Variants in INTS4 observed in about 807,000 individuals in gnomAD.
The protein encoded by INTS4 is MSTP093.
Under a neutral mutation model 119.5 loss-of-function variants are expected in INTS4, and 70 were observed. That is an observed-to-expected ratio of 0.59 (90% CI 0.48 to 0.71). The LOEUF (loss-of-function observed/expected upper bound fraction) is 0.71. INTS4 is among the 30% of genes least tolerant of loss of function. The probability of loss-of-function intolerance (pLI) is 0.00; values close to 1 mark genes in which losing one functional copy is unlikely to be tolerated. For synonymous variants in INTS4, 316 were observed against 419.6 expected (o/e 0.75, Z 3.02); for missense variants, 867 against 1,173.2 (o/e 0.74, Z 3.81).
chr11:77,923,676 A>G (rs1161442562), intron 12 of INTS4, among the ~76,000 whole-genome samples: 2 of 152,274 alleles, frequency 1.3e-5, no homozygotes, highest in East Asian at 1.9e-4. Context: ...TAAGAACTCA[A>G]TGTTAGCTAT....
At chr11:77,923,295 G>C (rs1366218709) in intron 12 of INTS4, among the ~76,000 whole-genome samples, 1 of 114,432 alleles carries the variant, frequency 8.7e-6, no homozygotes, top group African/African-American at 3.5e-5. Flanking sequence ...CCACCCTGGC[G>C]ATAAAGAGAG....
At chr11:77,892,400 G>A (rs1291054098) in intron 19 of INTS4, among the ~76,000 whole-genome samples, 2 of 152,106 alleles carry the variant, frequency 1.3e-5, no homozygotes, top group East Asian at 1.9e-4. Flanking sequence ...CACTGAGGAG[G>A]TGATATCTGT....
intron 8 of INTS4, among the ~76,000 whole-genome samples, chr11:77,950,209 G>A (rs1954155605): frequency 6.6e-6 from 1 of 151,882 alleles, no homozygotes; most frequent in Admixed American, 6.6e-5. Flanking sequence ...ACACACCAGG[G>A]ACTGTCAGAG....
At chr11:77,962,210 G>A (rs1260564971) in intron 4 of INTS4, among the ~76,000 whole-genome samples, 1 of 152,204 alleles carries the variant, frequency 6.6e-6, no homozygotes, top group Non-Finnish European at 1.5e-5. Flanking sequence ...TTGAGCCTCG[G>A]AGGTGGAGGC....
intron 18 of INTS4, among the ~76,000 whole-genome samples, chr11:77,896,465 A>G (rs1952522928): frequency 6.6e-6 from 1 of 152,082 alleles, no homozygotes; most frequent in African/African-American, 2.4e-5. Context: ...CAGCCTGACC[A>G]AACATGGAGA....
At position 77,981,641 on chromosome 11, in the gene INTS4, T is replaced by G. The variant is rs1856224482; in HGVS notation, c.247-65A>C. ...CTTAGCTAACCAACAAACAGGAACA[T>G]GGAAAACTAACATCCCAAAAGAGAT... is the stretch of plus-strand genomic sequence containing the variant. On this transcript the variant is annotated intron_variant, in intron 2 of 22. Coordinates refer to ENST00000534064, the MANE Select transcript of INTS4 (RefSeq NM_033547.4). The G allele has an allele frequency of 4.1e-6, 3 of 736,416 alleles. No homozygotes were observed. In the East Asian group the frequency reaches 8.3e-5, roughly 20 times the overall value. The allele number at this position is 736,416 out of a possible 1,614,324, so 45.6% of individuals were successfully genotyped here.
At chr11:77,920,715 G>T (rs1167717859) in intron 14 of INTS4, among the ~76,000 whole-genome samples, 2 of 151,800 alleles carry the variant, frequency 1.3e-5, no homozygotes, top group Non-Finnish European at 2.9e-5. Flanking sequence ...AGCCGGGCGT[G>T]GTGGCAGGCG....
chr11:77,960,187 GTA>G (rs1355581439), intron 6 of INTS4, among the ~76,000 whole-genome samples, 152 bp downstream of exon 6: 1 of 151,938 alleles, frequency 6.6e-6, no homozygotes, highest in Non-Finnish European at 1.5e-5. Flanking sequence ...TTCCTGAAAA[GTA>G]TGTTTTGAAT....
At chr11:77,894,118 C>A (rs969157845) in intron 19 of INTS4, among the ~76,000 whole-genome samples, 172 bp downstream of exon 19, 4 of 152,070 alleles carry the variant, frequency 2.6e-5, no homozygotes, top group East Asian at 1.9e-4. Flanking sequence ...AGGAAAAAAA[C>A]CAAATTAGGT....
chr11:77,932,360 T>C (rs548961307), intron 10 of INTS4, among the ~76,000 whole-genome samples: 78 of 152,106 alleles, frequency 5.1e-4, no homozygotes, highest in Admixed American at 1.4e-3. Context: ...TAAAAAAAGC[T>C]CATCATCACT....
At chr11:77,957,909 T>A (rs1954372110) in intron 7 of INTS4, among the ~76,000 whole-genome samples, 1 of 152,088 alleles carries the variant, frequency 6.6e-6, no homozygotes, top group African/African-American at 2.4e-5. Flanking sequence ...CCTGAGGTGA[T>A]CCGCCCACCT....
chr11:77,881,062 G>A (rs1951773988), intron 22 of INTS4, among the ~76,000 whole-genome samples: 1 of 152,186 alleles, frequency 6.6e-6, no homozygotes. Flanking sequence ...GCAATTCAAG[G>A]CAATGCCATA....
intron 8 of INTS4, among the ~76,000 whole-genome samples, chr11:77,947,030 C>T (rs1040841167): frequency 6.7e-6 from 1 of 149,264 alleles, no homozygotes; most frequent in Non-Finnish European, 1.5e-5. Flanking sequence ...CAATTGAGAG[C>T]TTCAACAATA....
chr11:77,987,135 C>T (rs1457024871), intron 2 of INTS4: 2 of 152,028 alleles, frequency 1.3e-5, no homozygotes, highest in East Asian at 3.9e-4. Context: ...GAAAATGAAA[C>T]AAGTTTGGCC....
rs1954309954 is a variant in INTS4 at position 77,955,927 on chromosome 11, A to G, written c.918+15T>C. The G allele has an allele frequency of 6.3e-7, 1 of 1,590,698 alleles. No homozygotes were observed. On this transcript the variant is annotated intron_variant, in intron 8 of 22. Transcript: ENST00000534064. ...ATATACATGCATACATACATACATA[A>G]AAAGTATAACTTACCAACAGTTTTG...
At position 77,924,730 on chromosome 11, in the gene INTS4, A is replaced by G. The variant is rs1953452586; in HGVS notation, c.1514+20T>C. ...CCACATTATGGGACTCAGTGAGTAA[A>G]TGGGCAAAAAAGTCATTACTTCCAT... is the stretch of plus-strand genomic sequence containing the variant. On this transcript the variant is annotated intron_variant, in intron 12 of 22. Transcript: ENST00000534064. The G allele has an allele frequency of 6.9e-6, 11 of 1,598,996 alleles. No homozygotes were observed. The highest frequency in any genetic ancestry group is 8.6e-6 in the Non-Finnish European group (10 of 1,167,170).
chr11:77,893,771 T>G (rs1245300521), intron 19 of INTS4, among the ~76,000 whole-genome samples: 2 of 152,040 alleles, frequency 1.3e-5, no homozygotes, highest in African/African-American at 4.8e-5. Context: ...CAGGCACCTG[T>G]AGTGCCAACT....
At chr11:77,990,215 C>CAAA (rs59474739) in intron 2 of INTS4, among the ~76,000 whole-genome samples, 1,583 of 96,116 alleles carry the variant, frequency 0.016, 43 homozygotes, top group African/African-American at 0.055. Context: ...GACCAAGTCT[C>CAAA]AAAAAAAAAA....
In INTS4 at chr11:77,907,814, T is replaced by G. The variant is rs956956540; in HGVS notation, c.1923-4A>C. On this transcript the variant is annotated splice_polypyrimidine_tract_variant and splice_region_variant and intron_variant, in intron 15 of 22. Coordinates refer to ENST00000534064, the MANE Select transcript of INTS4 (RefSeq NM_033547.4). The stretch of plus-strand genomic sequence containing the variant: ...TTCTCCAAGTCTTTGCAGATCCCTA[T>G]AGTAAATAAAACCCCCAAGGCAAAC... 1 of 1,599,758 alleles carries G rather than the reference T, an allele frequency of 6.3e-7. No homozygotes were observed. The highest frequency in any genetic ancestry group is 8.6e-7 in the Non-Finnish European group (1 of 1,168,240).
Sources: allele counts gnomAD v4.1 joint callset (sites outside exome capture counted in the v4.1 genomes callset), GRCh38; gene constraint gnomAD v4.1.1; transcripts MANE v1.5; gene names NCBI Gene and HGNC (gene_info 2026-07-23, HGNC 2026-07-21).